The following TMEM164 variants were observed in gnomAD, a reference collection of about 807,000 sequenced individuals.
TMEM164 encodes RP13-360B22.2.
In TMEM164, 4 loss-of-function variants were observed where a neutral mutation model predicts 18.8. The observed-to-expected ratio is 0.21, with a 90% CI of 0.10 to 0.49. The LOEUF is 0.49. Ranked by LOEUF, TMEM164 falls within the 20% of genes least tolerant of loss-of-function variation. The probability of loss-of-function intolerance (pLI) is 0.98; values close to 1 mark genes in which losing one functional copy is unlikely to be tolerated. For synonymous variants in TMEM164, 86 were observed against 101.7 expected, an observed-to-expected ratio of 0.85 and a Z score of 0.93; for missense variants, 108 against 239.9, an observed-to-expected ratio of 0.45 and a Z score of 3.63.
chrX:110,108,067 G>GCT (rs1339783958), intron 3 of TMEM164, among the ~76,000 whole-genome samples: 3 of 39,066 alleles, frequency 7.7e-5, no homozygotes, highest in East Asian at 1.1e-3. Flanking sequence ...TAGGAGGTAT[G>GCT]CTGTGTGTGT....
In TMEM164 at chrX:110,176,508, C is replaced by A. The variant is rs1404929806; in HGVS notation, c.*3057C>A. 1.5e-6 allele frequency: 1 copy of A among 655,978 alleles called. No individual in the cohort carries two copies. Among genetic ancestry groups the A allele is most frequent in the Non-Finnish European group, 1.8e-6 (1 of 550,273 alleles). 54.1% of individuals were successfully genotyped at this position (655,978 alleles called of 1,213,427 possible). On this transcript the variant is annotated 3_prime_UTR_variant, in exon 7 of 7. Coordinates refer to ENST00000372068, the MANE Select transcript of TMEM164 (RefSeq NM_032227.4). ...TCATAGAAGCTGCTTGCAGGGTCGC[C>A]GGGCTAACCAGGGTGATCGGCGAAC...
At chrX:110,057,024 G>A (rs1335826039) in intron 2 of TMEM164, among the ~76,000 whole-genome samples, 1 of 110,895 alleles carries the variant, frequency 9.0e-6, no homozygotes, top group Non-Finnish European at 1.9e-5. Context: ...GTATGCGTGT[G>A]TGTGTGTGTT....
chrX:110,015,813 G>T (rs1196626086), intron 2 of TMEM164, among the ~76,000 whole-genome samples: 2 of 112,110 alleles, frequency 1.8e-5, no homozygotes, highest in Non-Finnish European at 3.8e-5. Flanking sequence ...TTCTGCTGCA[G>T]GGCAGCTGAC....
intron 5 of TMEM164, among the ~76,000 whole-genome samples, chrX:110,163,600 G>A (rs2067121085): frequency 8.9e-6 from 1 of 112,310 alleles, no homozygotes; most frequent in Non-Finnish European, 1.9e-5. Context: ...AGAGGAGTGA[G>A]GTAGTGGCCA....
intron 3 of TMEM164, among the ~76,000 whole-genome samples, chrX:110,070,654 G>A (rs1456936763): frequency 9.1e-6 from 1 of 110,348 alleles, no homozygotes; most frequent in Non-Finnish European, 1.9e-5. Context: ...GGATGCTAAG[G>A]TGGGCATACT....
chrX:110,170,994 A>G (rs1485701789), intron 5 of TMEM164, among the ~76,000 whole-genome samples: 1 of 111,968 alleles, frequency 8.9e-6, no homozygotes, highest in African/African-American at 3.2e-5. Flanking sequence ...ATACTTCCTC[A>G]ATGACATTTC....
chrX:110,118,800 A>G (rs900400621), intron 4 of TMEM164, among the ~76,000 whole-genome samples: 2 of 111,496 alleles, frequency 1.8e-5, no homozygotes, highest in Admixed American at 1.9e-4. Flanking sequence ...TAAATACTTC[A>G]AAGTTCAAAA....
intron 3 of TMEM164, among the ~76,000 whole-genome samples, chrX:110,105,725 C>CAG (rs2066184596): frequency 1.1e-5 from 1 of 93,631 alleles, no homozygotes; most frequent in African/African-American, 4.2e-5. Flanking sequence ...CACACAGACA[C>CAG]ACACACAGAG....
In TMEM164 at chrX:110,082,780, G is replaced by A. The variant is rs183012915; in HGVS notation, c.440+15384G>A. The stretch of plus-strand genomic sequence containing the variant: ...GTGGCTTCTCTTTTCTTTTTCCCTT[G>A]CCTTTTGTGTCAGTTTTTTTTTCTT... On this transcript the variant is annotated intron_variant, in intron 3 of 6. Coordinates refer to ENST00000372068, the MANE Select transcript of TMEM164 (RefSeq NM_032227.4). 8.8e-4 allele frequency among the ~76,000 whole-genome samples: 97 copies of A among 109,983 alleles called. 2 individuals are homozygous for A. In the East Asian group the frequency reaches 0.023, roughly 26 times the overall value.
At chrX:110,071,161 AT>A (rs2065582379) in intron 3 of TMEM164, among the ~76,000 whole-genome samples, 4 of 105,863 alleles carry the variant, frequency 3.8e-5, no homozygotes, top group African/African-American at 1.4e-4. Context: ...ATATTTATTT[AT>A]TTATTTATTT....
At chrX:110,077,247 T>G (rs1486275897) in intron 3 of TMEM164, among the ~76,000 whole-genome samples, 1 of 112,168 alleles carries the variant, frequency 8.9e-6, no homozygotes, top group Non-Finnish European at 1.9e-5. Context: ...TGGTTTGTAG[T>G]CTTTTTATCT....
At chrX:110,047,606 A>G (rs1935370676) in intron 2 of TMEM164, among the ~76,000 whole-genome samples, 1 of 112,230 alleles carries the variant, frequency 8.9e-6, no homozygotes, top group Non-Finnish European at 1.9e-5. Flanking sequence ...GTCTGGCTAT[A>G]TAGTCTCTGG....
chrX:110,042,616 C>G (rs2147786571), intron 2 of TMEM164, among the ~76,000 whole-genome samples: 1 of 111,909 alleles, frequency 8.9e-6, no homozygotes, highest in East Asian at 2.8e-4. Context: ...TTTTCCACAG[C>G]AACTGGCCAC....
chrX:110,006,239 C>T (rs751232796), intron 2 of TMEM164, among the ~76,000 whole-genome samples: 16 of 111,195 alleles, frequency 1.4e-4, no homozygotes, highest in African/African-American at 4.9e-4. Flanking sequence ...CTAGTTTCTT[C>T]TCTGTGGAAG....
Position 110,157,879 on chromosome X carries a change from GTTGA to G in TMEM164, c.586+13025_586+13028del, listed in dbSNP as rs747308630. Reference sequence around the variant, plus strand: ...AATTTGAATTGAAATTGATTGGTTGGTTGATTGATTGATTGATTGATTGATGAGA... The same window carrying G: ...AATTTGAATTGAAATTGATTGGTTGGTTGATTGATTGATTGATTGATGAGA... On this transcript the variant is annotated intron_variant, in intron 5 of 6. Transcript: ENST00000372068. Among the ~76,000 whole-genome samples, 94 of 110,947 alleles carry G rather than the reference GTTGA, an allele frequency of 8.5e-4. 1 individual carries two copies. In the East Asian group the frequency reaches 0.018, roughly 21 times the overall value.
Position 110,107,950 on chromosome X carries a change from G to A in TMEM164, c.441-1130G>A, listed in dbSNP as rs746390408. Among the ~76,000 whole-genome samples, 6 of 110,968 alleles carry A rather than the reference G, an allele frequency of 5.4e-5. 1 individual carries two copies. The highest frequency in any genetic ancestry group is 2.9e-4 in the Admixed American group (3 of 10,396). On this transcript the variant is annotated intron_variant, in intron 3 of 6. Transcript: ENST00000372068. Reference sequence around the variant, plus strand: ...GCTGGGATTATAGGCATGAGCCACCGCACCCAGCCACATCTCTTAGCGTTA... The same window carrying A: ...GCTGGGATTATAGGCATGAGCCACCACACCCAGCCACATCTCTTAGCGTTA...
intron 3 of TMEM164, among the ~76,000 whole-genome samples, chrX:110,092,560 G>T (rs188690664): frequency 1.9e-3 from 210 of 112,265 alleles, no homozygotes; most frequent in African/African-American, 6.5e-3. Flanking sequence ...CATTGATTTT[G>T]TATCCTGAGA....
At position 110,003,541 on chromosome X, in the gene TMEM164, C is replaced by A. The variant is rs1932476976; in HGVS notation, c.-234C>A. On this transcript the variant is annotated 5_prime_UTR_variant, in exon 2 of 7. Coordinates refer to ENST00000372068, the MANE Select transcript of TMEM164 (RefSeq NM_032227.4). ...CTTTCAACCCTGCCTCGTTGGTGGC[C>A]ACTGGAGAAGCGCGGGGGGCTCCCC... is the stretch of plus-strand genomic sequence containing the variant. The A allele has an allele frequency of 5.8e-6, 2 of 342,244 alleles. No homozygotes were observed. The highest frequency in any genetic ancestry group is 1.0e-5 in the Non-Finnish European group (2 of 200,734). 28.2% of individuals were successfully genotyped at this position (342,244 alleles called of 1,213,427 possible).
At chrX:110,076,378 G>A in intron 3 of TMEM164, among the ~76,000 whole-genome samples, 1 of 110,534 alleles carries the variant, frequency 9.0e-6, no homozygotes, top group Non-Finnish European at 1.9e-5. Flanking sequence ...TTTCTTTGTT[G>A]ATCTAGCTAT....
Sources: allele counts gnomAD v4.1 joint callset (sites outside exome capture counted in the v4.1 genomes callset), GRCh38; gene constraint gnomAD v4.1.1; transcripts MANE v1.5; gene names NCBI Gene and HGNC (gene_info 2026-07-23, HGNC 2026-07-21).